The following STX18 variants were observed in gnomAD, a reference collection of about 807,000 sequenced individuals.
STX18 encodes the protein syntaxin 18.
Under a neutral mutation model 50.1 loss-of-function variants are expected in STX18, and 40 were observed. The observed-to-expected ratio is 0.80, with a 90% CI of 0.62 to 1.04. STX18 has a LOEUF of 1.04. Among genes scored for constraint, STX18 ranks in the 50% least tolerant of loss-of-function variants. STX18 has a pLI of 0.00. For missense variants in STX18, 410 were observed against 415.8 expected (o/e 0.99, Z 0.12); for synonymous variants, 158 against 151.8 (o/e 1.04, Z -0.30).
chr4:4,431,749 C>A (rs1725529043), intron 7 of STX18, among the ~76,000 whole-genome samples: 1 of 152,184 alleles, frequency 6.6e-6, no homozygotes, highest in African/African-American at 2.4e-5. Flanking sequence ...TCCTGATGAC[C>A]CACGTCAGAA....
intron 1 of STX18, chr4:4,499,520 C>G: frequency 8.1e-6 from 8 of 985,404 alleles, no homozygotes; most frequent in Non-Finnish European, 9.6e-6. Flanking sequence ...AAAGAAACAG[C>G]AAAATGGATC....
intron 5 of STX18, among the ~76,000 whole-genome samples, chr4:4,439,966 G>C (rs1428665087): frequency 6.6e-6 from 1 of 152,174 alleles, no homozygotes; most frequent in African/African-American, 2.4e-5. Flanking sequence ...TTTATCTGTT[G>C]GTTGTCAGCC....
intron 5 of STX18, among the ~76,000 whole-genome samples, chr4:4,450,418 T>G (rs537587799): frequency 3.5e-4 from 54 of 152,236 alleles, no homozygotes; most frequent in South Asian, 3.3e-3. Context: ...ACCTCCCGAG[T>G]CAAGTGATTC....
chr4:4,444,839 AAAC>A (rs140511221), intron 5 of STX18, among the ~76,000 whole-genome samples: 8,915 of 152,248 alleles, frequency 0.059, 842 homozygotes, highest in African/African-American at 0.2. Flanking sequence ...ACAAATAAAC[AAAC>A]ATGGGTGCGC....
At chr4:4,523,361 T>G (rs1264107398) in intron 1 of STX18, among the ~76,000 whole-genome samples, 4 of 152,220 alleles carry the variant, frequency 2.6e-5, no homozygotes, top group African/African-American at 9.6e-5. Context: ...GATCCCACTC[T>G]TTCCTCAAGG....
intron 1 of STX18, among the ~76,000 whole-genome samples, chr4:4,520,732 A>T (rs1374901408): frequency 1.3e-5 from 2 of 151,236 alleles, no homozygotes; most frequent in African/African-American, 4.9e-5. Flanking sequence ...ATCTGCAGAG[A>T]AAAAAAAACA....
At chr4:4,507,694 C>T (rs1023904035) in intron 1 of STX18, 7 of 890,014 alleles carry the variant, frequency 7.9e-6, no homozygotes, top group South Asian at 4.0e-5. Flanking sequence ...AGCAGAACAA[C>T]GTGGAACACA....
intron 1 of STX18, among the ~76,000 whole-genome samples, chr4:4,483,510 C>A (rs966244907): frequency 6.6e-6 from 1 of 152,222 alleles, no homozygotes; most frequent in Non-Finnish European, 1.5e-5. Flanking sequence ...TCCCATTCTT[C>A]TAGTTCCCCA....
At position 4,419,852 on chromosome 4, in the gene STX18, T is replaced by C; in HGVS notation, c.*182A>G. Reference sequence around the variant, plus strand: ...TTTCCTTTTTCAGCTGCTAAATGGCTGAACACCATCGGCCTGGGGTATCCC... The same window carrying C: ...TTTCCTTTTTCAGCTGCTAAATGGCCGAACACCATCGGCCTGGGGTATCCC... On this transcript the variant is annotated 3_prime_UTR_variant, in exon 11 of 11. Coordinates refer to ENST00000306200, the MANE Select transcript of STX18 (RefSeq NM_016930.4). The C allele has an allele frequency of 1.7e-6, 1 of 580,936 alleles. No homozygotes were observed. Among genetic ancestry groups the C allele is most frequent in the Non-Finnish European group, 3.0e-6 (1 of 329,462 alleles). The allele number at this position is 580,936 out of a possible 1,614,324, so 36.0% of individuals were successfully genotyped here.
At chr4:4,474,970 T>A (rs896414696) in intron 1 of STX18, among the ~76,000 whole-genome samples, 1 of 152,246 alleles carries the variant, frequency 6.6e-6, no homozygotes, top group Non-Finnish European at 1.5e-5. Flanking sequence ...AACCTTACTA[T>A]CCACAACAGG....
At chr4:4,486,522 T>C (rs1012132746) in intron 1 of STX18, among the ~76,000 whole-genome samples, 9 of 152,202 alleles carry the variant, frequency 5.9e-5, no homozygotes, top group African/African-American at 1.2e-4. Flanking sequence ...CCAAGAAGAA[T>C]TGTAAGGGCT....
upstream of STX18, chr4:4,542,155 C>G: frequency 2.9e-6 from 2 of 681,008 alleles, no homozygotes; most frequent in East Asian, 3.4e-5. Flanking sequence ...CCTCAGCCGG[C>G]GCACCTGGCG....
intron 6 of STX18, among the ~76,000 whole-genome samples, chr4:4,436,246 G>A (rs1197165373): frequency 6.6e-6 from 1 of 152,180 alleles, no homozygotes; most frequent in Non-Finnish European, 1.5e-5. Flanking sequence ...CCACAACTTA[G>A]TGCATGCAGG....
intron 1 of STX18, among the ~76,000 whole-genome samples, chr4:4,489,162 CATCTTTCAACTAAGTGAATGGGAATAAA>C (rs1174191803): frequency 6.6e-6 from 1 of 152,074 alleles, no homozygotes; most frequent in Non-Finnish European, 1.5e-5. Flanking sequence ...CCTCCAAAGT[CATCTTTCAACTAAGTGAATGGGAATAAA>C]ATGCAGAGTA....
intron 5 of STX18, among the ~76,000 whole-genome samples, chr4:4,443,136 T>C (rs1726210018): frequency 6.6e-6 from 1 of 152,236 alleles, no homozygotes; most frequent in Non-Finnish European, 1.5e-5. Flanking sequence ...CAAATTAACA[T>C]GTATTTAATC....
chr4:4,541,754 C>T, intron 1 of STX18, 43 bp downstream of exon 1: 2 of 1,573,332 alleles, frequency 1.3e-6, no homozygotes, highest in Non-Finnish European at 1.7e-6. Context: ...TGTCGCAGGA[C>T]TGCCCCCTCC....
intron 1 of STX18, among the ~76,000 whole-genome samples, chr4:4,528,753 A>G (rs1404359603): frequency 6.6e-6 from 1 of 152,202 alleles, no homozygotes; most frequent in South Asian, 2.1e-4. Context: ...GCCTCACCCA[A>G]CACTAGGGCC....
chr4:4,481,778 T>C (rs1728475962), intron 1 of STX18: 1 of 152,290 alleles, frequency 6.6e-6, no homozygotes, highest in Non-Finnish European at 1.5e-5. Context: ...GTCCTATCCC[T>C]GTGCAAAAGA....
chr4:4,484,594 A>AC (rs148588475), intron 1 of STX18, among the ~76,000 whole-genome samples: 1,850 of 152,170 alleles, frequency 0.012, 29 homozygotes, highest in African/African-American at 0.042. Context: ...AGAACCGGAG[A>AC]CCCCTCCCTG....
Sources: allele counts gnomAD v4.1 joint callset (sites outside exome capture counted in the v4.1 genomes callset), GRCh38; gene constraint gnomAD v4.1.1; transcripts MANE v1.5; gene names NCBI Gene and HGNC (gene_info 2026-07-23, HGNC 2026-07-21).